The following LRGUK variants were observed in gnomAD, a reference collection of about 807,000 sequenced individuals.
The protein encoded by LRGUK is leucine rich repeats and guanylate kinase domain containing.
In LRGUK, 65 loss-of-function variants were observed where a neutral mutation model predicts 76.0. That is an observed-to-expected ratio of 0.85 (90% CI 0.70 to 1.05). The LOEUF (loss-of-function observed/expected upper bound fraction) is 1.05, where lower values mean the gene tolerates loss of function less well. LRGUK is among the 50% of genes least tolerant of loss of function. The pLI is 0.00. For missense variants in LRGUK, 758 were observed against 732.8 expected, an observed-to-expected ratio of 1.03 and a Z score of -0.40; for synonymous variants, 268 against 265.6, an observed-to-expected ratio of 1.01 and a Z score of -0.09.
At chr7:134,168,726 G>A (rs988209020) in intron 7 of LRGUK, among the ~76,000 whole-genome samples, 4 of 152,116 alleles carry the variant, frequency 2.6e-5, no homozygotes, top group Admixed American at 2.6e-4. Context: ...GATGACTCCC[G>A]GGTTTGCAGC....
chr7:134,269,374 A>T (rs1383498489), downstream of LRGUK, among the ~76,000 whole-genome samples: 4 of 134,576 alleles, frequency 3.0e-5, no homozygotes, highest in African/African-American at 9.1e-5. Flanking sequence ...TTTTTGAGAC[A>T]GGGTCTCTCT....
intron 2 of LRGUK, among the ~76,000 whole-genome samples, chr7:134,138,676 T>C (rs1018556087): frequency 6.6e-6 from 1 of 152,180 alleles, no homozygotes; most frequent in Non-Finnish European, 1.5e-5. Context: ...GACTCTTCAT[T>C]GGTTTGCTTG....
intron 3 of LRGUK, among the ~76,000 whole-genome samples, chr7:134,142,840 C>T (rs553020342): frequency 6.6e-6 from 1 of 152,146 alleles, no homozygotes; most frequent in Non-Finnish European, 1.5e-5. Context: ...ATTGGCCACC[C>T]CTGGGGAAGA....
At chr7:134,207,531 C>A (rs1801059895) in intron 15 of LRGUK, among the ~76,000 whole-genome samples, 1 of 152,210 alleles carries the variant, frequency 6.6e-6, no homozygotes, top group Admixed American at 6.5e-5. Context: ...TTTGTTCCCA[C>A]CTGTCCCGCC....
chr7:134,217,861 T>C (rs1166189243), intron 15 of LRGUK, among the ~76,000 whole-genome samples: 2 of 152,198 alleles, frequency 1.3e-5, no homozygotes, highest in Non-Finnish European at 2.9e-5. Flanking sequence ...GGTATTTACA[T>C]CATATGTATA....
chr7:134,237,044 C>T (rs387820), intron 16 of LRGUK, among the ~76,000 whole-genome samples: 3,886 of 120,708 alleles, frequency 0.032, 148 homozygotes, highest in African/African-American at 0.12. Flanking sequence ...AAATGCTTTT[C>T]TCTTTCTTTT....
chr7:134,266,650 T>C (rs111747705), downstream of LRGUK, among the ~76,000 whole-genome samples: 4 of 152,264 alleles, frequency 2.6e-5, no homozygotes, highest in African/African-American at 9.6e-5. Flanking sequence ...GTCCCAGGGA[T>C]GTGTAGGACT....
At chr7:134,245,075 T>C (rs537068495) in intron 16 of LRGUK, among the ~76,000 whole-genome samples, 1 of 152,032 alleles carries the variant, frequency 6.6e-6, no homozygotes, top group Non-Finnish European at 1.5e-5. Context: ...TTAGGAGATA[T>C]ACCTAATGTA....
At chr7:134,251,081 T>C (rs920986909) in intron 18 of LRGUK, among the ~76,000 whole-genome samples, 18 of 152,294 alleles carry the variant, frequency 1.2e-4, no homozygotes, top group African/African-American at 4.3e-4. Context: ...CCAAAACATA[T>C]GTGTTATGGT....
At chr7:134,276,234 G>A in the LRGUK span, among the ~76,000 whole-genome samples, 1 of 152,152 alleles carries the variant, frequency 6.6e-6, no homozygotes, top group Non-Finnish European at 1.5e-5. Context: ...GTCGACTATA[G>A]AATACGAAAT....
intron 15 of LRGUK, among the ~76,000 whole-genome samples, chr7:134,217,273 A>G (rs1277865275): frequency 6.6e-6 from 1 of 151,672 alleles, no homozygotes; most frequent in African/African-American, 2.4e-5. Context: ...ATTACAATGT[A>G]TGAAGTTTAC....
intron 5 of LRGUK, among the ~76,000 whole-genome samples, chr7:134,149,694 C>T (rs1360159038): frequency 6.6e-6 from 1 of 152,138 alleles, no homozygotes; most frequent in African/African-American, 2.4e-5. Flanking sequence ...AAACTAAAAG[C>T]ATACACATTA....
chr7:134,268,718 T>A (rs1335133944), downstream of LRGUK, among the ~76,000 whole-genome samples: 1 of 13,678 alleles, frequency 7.3e-5, no homozygotes, highest in Non-Finnish European at 2.2e-4. Context: ...GCAAAAAATC[T>A]TTTTTTTTTT....
intron 16 of LRGUK, among the ~76,000 whole-genome samples, chr7:134,236,841 C>T (rs1802028105): frequency 6.6e-6 from 1 of 152,124 alleles, no homozygotes. Flanking sequence ...TTAAAAGAAG[C>T]TAGCAGAAGA....
At chr7:134,133,660 G>A (rs981844504) in intron 1 of LRGUK, among the ~76,000 whole-genome samples, 3 of 151,924 alleles carry the variant, frequency 2.0e-5, no homozygotes, top group African/African-American at 7.3e-5. Context: ...ACACAGTCCT[G>A]CCTCAATGCA....
intron 11 of LRGUK, among the ~76,000 whole-genome samples, chr7:134,187,493 A>G (rs947867727): frequency 5.9e-5 from 9 of 152,212 alleles, no homozygotes; most frequent in African/African-American, 1.9e-4. Flanking sequence ...GCTAAGTTGC[A>G]TATCCAGATA....
downstream of LRGUK, among the ~76,000 whole-genome samples, chr7:134,214,398 T>G (rs145457780): frequency 3.6e-3 from 554 of 152,318 alleles, 1 homozygote; most frequent in South Asian, 0.016. Flanking sequence ...TTCAGTCTAG[T>G]AATTCGAATC....
At chr7:134,212,719 C>T (rs1393080546), downstream of LRGUK, among the ~76,000 whole-genome samples, 2 of 152,286 alleles carry the variant, frequency 1.3e-5, no homozygotes, top group East Asian at 3.9e-4. Context: ...ATTTATTGAG[C>T]ACACGCTATG....
chr7:134,207,082 G>A (rs1801039654), intron 15 of LRGUK, among the ~76,000 whole-genome samples: 1 of 152,156 alleles, frequency 6.6e-6, no homozygotes, highest in Non-Finnish European at 1.5e-5. Context: ...AGATTAAGGA[G>A]CAAAAGAAGC....
Sources: allele counts gnomAD v4.1 joint callset (sites outside exome capture counted in the v4.1 genomes callset), GRCh38; gene constraint gnomAD v4.1.1; transcripts MANE v1.5; gene names NCBI Gene and HGNC (gene_info 2026-07-23, HGNC 2026-07-21).